Variants in TBC1D22A observed in about 807,000 individuals in gnomAD.
TBC1D22A encodes TBC1 domain family member 22A.
A neutral mutation model predicts 60.2 loss-of-function variants in TBC1D22A; 38 were observed. The observed-to-expected ratio is 0.63, with a 90% confidence interval of 0.49 to 0.83. The LOEUF (loss-of-function observed/expected upper bound fraction) is 0.83. Ranked by LOEUF, TBC1D22A falls within the 40% of genes least tolerant of loss-of-function variation. TBC1D22A has a pLI of 0.00. For synonymous variants in TBC1D22A, 302 were observed against 281.7 expected (o/e 1.07, Z -0.72); for missense variants, 628 against 701.0 (o/e 0.90, Z 1.18).
chr22:46,892,392 A>C (rs1270021851), intron 6 of TBC1D22A, among the ~76,000 whole-genome samples: 3 of 152,114 alleles, frequency 2.0e-5, no homozygotes, highest in African/African-American at 7.2e-5. Flanking sequence ...TCAAAGACGG[A>C]TGGGACACAG....
chr22:47,125,470 C>A (rs1049666953), intron 12 of TBC1D22A, among the ~76,000 whole-genome samples: 2 of 152,172 alleles, frequency 1.3e-5, no homozygotes, highest in Non-Finnish European at 2.9e-5. Context: ...TTAAATTATA[C>A]CCCTCATTAT....
At chr22:47,055,375 G>T (rs1379081537) in intron 11 of TBC1D22A, among the ~76,000 whole-genome samples, 1 of 152,204 alleles carries the variant, frequency 6.6e-6, no homozygotes, top group East Asian at 1.9e-4. Context: ...ATGCCGGAGT[G>T]GTCAGCTGGA....
intron 10 of TBC1D22A, among the ~76,000 whole-genome samples, chr22:47,006,955 C>T (rs1050281108): frequency 6.6e-6 from 1 of 152,162 alleles, no homozygotes; most frequent in African/African-American, 2.4e-5. Context: ...GGAGCTTGGG[C>T]TTCAGAGAGC....
At chr22:46,811,729 A>T (rs974323703) in intron 4 of TBC1D22A, among the ~76,000 whole-genome samples, 3 of 152,200 alleles carry the variant, frequency 2.0e-5, no homozygotes, top group Non-Finnish European at 4.4e-5. Flanking sequence ...GAGAGCCAGC[A>T]TCCAGTCTGT....
chr22:47,128,020 T>C (rs1202622814), intron 12 of TBC1D22A, among the ~76,000 whole-genome samples: 1 of 51,486 alleles, frequency 1.9e-5, no homozygotes, highest in Non-Finnish European at 3.8e-5. Flanking sequence ...CCCCCCATCC[T>C]CCCTCCACCC....
intron 8 of TBC1D22A, among the ~76,000 whole-genome samples, chr22:46,957,641 G>A (rs2073274464): frequency 6.6e-6 from 1 of 152,240 alleles, no homozygotes; most frequent in Non-Finnish European, 1.5e-5. Flanking sequence ...TTGACTACCA[G>A]TCAGCAGATG....
intron 1 of TBC1D22A, among the ~76,000 whole-genome samples, chr22:46,792,067 A>C (rs558879130): frequency 6.6e-6 from 1 of 152,224 alleles, no homozygotes; most frequent in Admixed American, 6.5e-5. Flanking sequence ...AGCCTGTTCA[A>C]TCTTTTAAAA....
intron 8 of TBC1D22A, among the ~76,000 whole-genome samples, chr22:46,939,511 T>C (rs974657162): frequency 6.6e-6 from 1 of 152,170 alleles, no homozygotes; most frequent in Non-Finnish European, 1.5e-5. Flanking sequence ...ATGGACCAAA[T>C]TTGGTACACT....
In TBC1D22A at chr22:46,793,845, C is replaced by T. The variant is rs529176381; in HGVS notation, c.460+4C>T. On this transcript the variant is annotated splice_donor_region_variant and intron_variant, in intron 3 of 12. Coordinates refer to ENST00000337137, the MANE Select transcript of TBC1D22A (RefSeq NM_014346.5). ...AGCCACACGTCCTGTCCTGCAGGTACGATGGGAGGACTGAAGAGATGGTCT... is the reference window on the plus strand; with the variant it reads ...AGCCACACGTCCTGTCCTGCAGGTATGATGGGAGGACTGAAGAGATGGTCT... 1.4e-5 allele frequency: 21 copies of T among 1,554,744 alleles called. No individual in the cohort carries two copies. The Middle Eastern group carries it at 1.0e-3, about 75-fold the overall frequency.
At chr22:47,004,851 A>G (rs1602948552) in intron 10 of TBC1D22A, among the ~76,000 whole-genome samples, 4 of 151,078 alleles carry the variant, frequency 2.6e-5, no homozygotes, top group Admixed American at 2.6e-4. Context: ...ACACTACTGT[A>G]CATACACACA....
intron 12 of TBC1D22A, among the ~76,000 whole-genome samples, chr22:47,141,559 C>T (rs2067085822): frequency 6.6e-6 from 1 of 152,246 alleles, no homozygotes. Flanking sequence ...GCAGCCGACT[C>T]CACGTCTGGG....
At chr22:46,834,071 T>C (rs530961676) in intron 4 of TBC1D22A, among the ~76,000 whole-genome samples, 3 of 152,310 alleles carry the variant, frequency 2.0e-5, no homozygotes, top group Admixed American at 1.3e-4. Context: ...TTGGACCCTC[T>C]ATATCCCTAG....
chr22:47,025,872 A>C (rs934123156), intron 10 of TBC1D22A, among the ~76,000 whole-genome samples: 19 of 152,144 alleles, frequency 1.2e-4, no homozygotes, highest in Non-Finnish European at 2.8e-4. Context: ...GTGTGAGAAG[A>C]GGCTGTGCTT....
chr22:46,982,119 T>C (rs550291000), intron 9 of TBC1D22A, among the ~76,000 whole-genome samples: 22 of 152,148 alleles, frequency 1.4e-4, no homozygotes, highest in Non-Finnish European at 2.6e-4. Context: ...GGGTTGATGT[T>C]TGACAGCTCT....
At chr22:47,058,352 C>A (rs1046048915) in intron 11 of TBC1D22A, among the ~76,000 whole-genome samples, 2 of 152,224 alleles carry the variant, frequency 1.3e-5, no homozygotes, top group Middle Eastern at 3.4e-3. Flanking sequence ...GCTTATGATT[C>A]CACCCGCCCG....
rs1375674554 is a variant in TBC1D22A, at chr22:47,104,929, A to T, written c.1330-6579A>T. Among the ~76,000 whole-genome samples, 5 of 151,208 alleles carry T rather than the reference A, an allele frequency of 3.3e-5. No individual in the cohort carries two copies. The East Asian group carries it at 9.7e-4, about 29-fold the overall frequency. On this transcript the variant is annotated intron_variant, in intron 11 of 12. Transcript: ENST00000337137. The stretch of plus-strand genomic sequence containing the variant: ...CCGACCGTTGCTGCTGCCACCTTTC[A>T]CTTGTCCCCCCTTTCTGGACCAAAC...
At chr22:47,087,648 A>G (rs1569432738) in intron 11 of TBC1D22A, among the ~76,000 whole-genome samples, 2 of 152,256 alleles carry the variant, frequency 1.3e-5, no homozygotes, top group African/African-American at 2.4e-5. Context: ...ATTTGCACAT[A>G]TATCTATTAA....
At chr22:46,970,182 G>A (rs2073990169) in intron 8 of TBC1D22A, among the ~76,000 whole-genome samples, 1 of 152,056 alleles carries the variant, frequency 6.6e-6, no homozygotes, top group African/African-American at 2.4e-5. Flanking sequence ...TCTAAGCCCA[G>A]ATCTCCCAAG....
intron 5 of TBC1D22A, among the ~76,000 whole-genome samples, chr22:46,886,268 A>G (rs2068111018): frequency 6.6e-6 from 1 of 152,220 alleles, no homozygotes; most frequent in Admixed American, 6.5e-5. Context: ...TTATGGGAAA[A>G]CAGAGGCCAG....
Sources: allele counts gnomAD v4.1 joint callset (sites outside exome capture counted in the v4.1 genomes callset), GRCh38; gene constraint gnomAD v4.1.1; transcripts MANE v1.5; gene names NCBI Gene and HGNC (gene_info 2026-07-23, HGNC 2026-07-21).